Variants in IMMP2L observed in about 807,000 individuals in gnomAD.
IMMP2L encodes inner mitochondrial membrane peptidase subunit 2.
In IMMP2L, 18 loss-of-function variants were observed where a neutral mutation model predicts 19.3. The observed-to-expected ratio is 0.93, with a 90% CI of 0.64 to 1.38. IMMP2L has a LOEUF of 1.38. Ranked by LOEUF, IMMP2L falls within the 40% of genes most tolerant of loss-of-function variation. The pLI is 0.00. For missense variants in IMMP2L, 233 were observed against 218.2 expected (o/e 1.07, Z -0.43); for synonymous variants, 76 against 73.0 (o/e 1.04, Z -0.21).
At chr7:111,366,925 T>C (rs893283327) in intron 3 of IMMP2L, among the ~76,000 whole-genome samples, 3 of 151,982 alleles carry the variant, frequency 2.0e-5, no homozygotes, top group Non-Finnish European at 4.4e-5. Flanking sequence ...TAACACTTGC[T>C]AAGTCCTAGC....
At chr7:110,788,663 T>C (rs1424294104) in intron 5 of IMMP2L, among the ~76,000 whole-genome samples, 3 of 151,664 alleles carry the variant, frequency 2.0e-5, no homozygotes, top group Admixed American at 2.0e-4. Context: ...CTTATAGATA[T>C]CACAAATACA....
At chr7:111,078,498 C>G (rs533884514) in intron 3 of IMMP2L, among the ~76,000 whole-genome samples, 2 of 152,084 alleles carry the variant, frequency 1.3e-5, no homozygotes, top group East Asian at 3.9e-4. Context: ...AATGGAGTAT[C>G]TATATAGTAT....
intron 3 of IMMP2L, among the ~76,000 whole-genome samples, chr7:111,277,747 G>C (rs1819257254): frequency 6.6e-6 from 1 of 152,048 alleles, no homozygotes; most frequent in Non-Finnish European, 1.5e-5. Context: ...TACCCAAAGA[G>C]AAAGAAATCA....
Position 110,727,937 on chromosome 7 carries a change from G to A in IMMP2L, c.409-64216C>T, listed in dbSNP as rs935967771. On this transcript the variant is annotated intron_variant, in intron 5 of 5. Transcript: ENST00000405709. The surrounding 1 kb of genome is among the most constrained non-coding windows in gnomAD (Gnocchi z 4.3). ...CTACATACCTAACAAGCTCTGCATT[G>A]CATACCCACACACATGTAATTCTGC... 6.6e-6 allele frequency among the ~76,000 whole-genome samples: 1 copy of A among 152,158 alleles called. No individual in the cohort carries two copies. Among genetic ancestry groups the A allele is most frequent in the Non-Finnish European group, 1.5e-5 (1 of 68,024 alleles).
chr7:110,874,091 C>T (rs1219811743), intron 5 of IMMP2L, among the ~76,000 whole-genome samples: 1 of 152,004 alleles, frequency 6.6e-6, no homozygotes, highest in Non-Finnish European at 1.5e-5. Context: ...TTTTGTTTTG[C>T]ATGATTTGTG....
At chr7:111,122,839 G>T (rs1278006925) in intron 3 of IMMP2L, 1 of 1,613,964 alleles carries the variant, frequency 6.2e-7, no homozygotes, top group African/African-American at 1.3e-5. Flanking sequence ...AGTACAAGCT[G>T]TAGATAAAAA....
intron 3 of IMMP2L, among the ~76,000 whole-genome samples, chr7:111,460,269 G>C (rs1173200866): frequency 6.6e-6 from 1 of 152,060 alleles, no homozygotes; most frequent in Non-Finnish European, 1.5e-5. Context: ...AATTTTAACT[G>C]TTATTATCTA....
chr7:111,336,211 AT>A (rs547077322), intron 3 of IMMP2L, among the ~76,000 whole-genome samples: 110 of 144,844 alleles, frequency 7.6e-4, no homozygotes, highest in African/African-American at 8.2e-4. Flanking sequence ...CAGGCCGGCT[AT>A]TTTTTTTTTT....
At chr7:110,987,369 T>C (rs1333388313) in intron 3 of IMMP2L, among the ~76,000 whole-genome samples, 3 of 152,168 alleles carry the variant, frequency 2.0e-5, no homozygotes, top group Non-Finnish European at 2.9e-5. Flanking sequence ...GAAAATGCAA[T>C]GACAACTTTA....
chr7:110,886,658 G>C lies in IMMP2L; in HGVS notation c.343C>G (p.Arg115Gly). ...GHKNRYVKVP[R>G]GHIWVEGDHH... ...TCACCTTCAACCCAGATGTGACCAC[G>C]GGGGACTTTGACATACCGGTTTTTG... is the stretch of plus-strand genomic sequence containing the variant. The change falls in exon 5 of 6, where the codon CGT (arginine) becomes GGT (glycine). Residue 115 changes from arginine to glycine, a missense_variant. Transcript: ENST00000405709. 6.2e-7 allele frequency: 1 copy of C among 1,607,178 alleles called. No individual in the cohort carries two copies. Among genetic ancestry groups the C allele is most frequent in the Non-Finnish European group, 8.5e-7 (1 of 1,174,026 alleles).
At chr7:111,032,917 C>T (rs1411709432) in intron 3 of IMMP2L, among the ~76,000 whole-genome samples, 2 of 151,992 alleles carry the variant, frequency 1.3e-5, no homozygotes, top group Admixed American at 1.3e-4. Flanking sequence ...GTCCGGAGTT[C>T]GAGACTAGCC....
chr7:110,755,813 G>C (rs1686759911), intron 5 of IMMP2L, among the ~76,000 whole-genome samples: 1 of 152,078 alleles, frequency 6.6e-6, no homozygotes, highest in African/African-American at 2.4e-5. Flanking sequence ...CTACAGCCTG[G>C]AGGGATTAGA....
chr7:110,746,558 G>C (rs1797359692), intron 5 of IMMP2L, among the ~76,000 whole-genome samples: 1 of 152,096 alleles, frequency 6.6e-6, no homozygotes, highest in Non-Finnish European at 1.5e-5. Context: ...TAGTCTCTCA[G>C]ACCACAGTGC....
At chr7:110,951,177 A>G (rs117101821) in intron 4 of IMMP2L, among the ~76,000 whole-genome samples, 4,527 of 152,018 alleles carry the variant, frequency 0.03, 106 homozygotes, top group South Asian at 0.058. Context: ...AGCAAGATGA[A>G]TAAGTTCTAG....
intron 2 of IMMP2L, among the ~76,000 whole-genome samples, chr7:111,504,619 C>G (rs909227456): frequency 6.6e-6 from 1 of 152,058 alleles, no homozygotes; most frequent in African/African-American, 2.4e-5. Flanking sequence ...GGTACCAAAA[C>G]AGAGATATAG....
intron 3 of IMMP2L, among the ~76,000 whole-genome samples, chr7:111,401,082 C>T (rs1235970743): frequency 6.6e-6 from 1 of 151,996 alleles, no homozygotes; most frequent in Admixed American, 6.6e-5. Flanking sequence ...AACAGATTTG[C>T]TTCTATTTTT....
intron 5 of IMMP2L, among the ~76,000 whole-genome samples, chr7:110,706,769 T>C (rs1300060080): frequency 2.0e-5 from 3 of 152,128 alleles, no homozygotes; most frequent in Non-Finnish European, 2.9e-5. Context: ...GCATAGGTTG[T>C]GAATATTTTC....
chr7:111,373,932 G>A (rs186324135), intron 3 of IMMP2L, among the ~76,000 whole-genome samples: 1 of 152,006 alleles, frequency 6.6e-6, no homozygotes, highest in Non-Finnish European at 1.5e-5. Flanking sequence ...GAATCAAATC[G>A]AAGTTGAGGT....
intron 3 of IMMP2L, among the ~76,000 whole-genome samples, chr7:111,412,459 A>G (rs1249642094): frequency 1.3e-5 from 2 of 151,882 alleles, no homozygotes; most frequent in African/African-American, 4.9e-5. Flanking sequence ...TTGATCACAA[A>G]GGAGTTAAAA....
Sources: allele counts gnomAD v4.1 joint callset (sites outside exome capture counted in the v4.1 genomes callset), GRCh38; gene constraint gnomAD v4.1.1; non-coding constraint Gnocchi (gnomAD v3.1); transcripts MANE v1.5; gene names NCBI Gene and HGNC (gene_info 2026-07-23, HGNC 2026-07-21).